REV3L: variants seen among roughly 807,000 people sequenced by gnomAD.
REV3L encodes the protein REV3 like, DNA directed polymerase zeta catalytic subunit, also known as DNA polymerase zeta catalytic subunit.
A neutral mutation model predicts 299.4 loss-of-function variants in REV3L; 69 were observed. The ratio of observed to expected loss-of-function variants is 0.23; its 90% CI spans 0.19 to 0.28. The LOEUF is 0.28. REV3L is among the 10% of genes least tolerant of loss of function. The pLI is 1.00. For synonymous variants in REV3L, 1,238 were observed against 1,271.4 expected, an observed-to-expected ratio of 0.97 and a Z score of 0.56; for missense variants, 3,128 against 3,693.8, an observed-to-expected ratio of 0.85 and a Z score of 3.97.
At chr6:111,323,475 T>TAGTTATACAAAGAAA (rs1237103648) in intron 25 of REV3L, among the ~76,000 whole-genome samples, 1 of 152,204 alleles carries the variant, frequency 6.6e-6, no homozygotes, top group African/African-American at 2.4e-5. Context: ...AAAATGTATC[T>TAGTTATACAAAGAAA]AATTATATGA....
At chr6:111,334,489 A>G (rs1164218831) in intron 22 of REV3L, among the ~76,000 whole-genome samples, 15 of 151,418 alleles carry the variant, frequency 9.9e-5, no homozygotes, top group Admixed American at 9.2e-4. Flanking sequence ...ATTAAAAAAT[A>G]AAAAAAAAGA....
chr6:111,375,359 G>A lies in REV3L; in HGVS notation c.2996C>T (p.Ser999Phe), dbSNP rs750455743. The A allele has an allele frequency of 6.3e-7, 1 of 1,586,426 alleles. No homozygotes were observed. Among genetic ancestry groups the A allele is most frequent in the Non-Finnish European group, 8.5e-7 (1 of 1,171,804 alleles). The change falls in exon 13 of 32, where the codon TCT becomes TTT. Residue 999 changes from serine (S) to phenylalanine (F), a missense_variant. By Grantham distance (155) the Ser-to-Phe change is radical. Coordinates refer to ENST00000368802, the MANE Select transcript of REV3L (RefSeq NM_001372078.1). The stretch of plus-strand genomic sequence containing the variant: ...TGTTAATATTACTTGTTTTTCTTTA[G>A]AGTCTATTTTTCCTAGCTTCACAAG... ...NMLVKLGKID[S>F]KEKQVILTEE...
intron 29 of REV3L, 147 bp downstream of exon 29, chr6:111,310,922 A>T: frequency 1.9e-6 from 1 of 517,844 alleles, no homozygotes; most frequent in Non-Finnish European, 3.3e-6. Context: ...GTATGAGGGA[A>T]TATTCACTAA....
chr6:111,386,964 C>T (rs752814393), intron 9 of REV3L, among the ~76,000 whole-genome samples: 2 of 152,140 alleles, frequency 1.3e-5, no homozygotes, highest in Admixed American at 6.5e-5. Context: ...TCAGGTGATC[C>T]GCCTGCTTCA....
upstream of REV3L, chr6:111,483,660 C>T (rs1166839647): frequency 1.4e-5 from 6 of 421,384 alleles, no homozygotes; most frequent in Non-Finnish European, 2.8e-5. Flanking sequence ...GACGGTTTTT[C>T]ACAAGGTAAG....
chr6:111,362,240 G>C (rs1270514559), intron 16 of REV3L, among the ~76,000 whole-genome samples: 1 of 152,010 alleles, frequency 6.6e-6, no homozygotes, highest in Non-Finnish European at 1.5e-5. Context: ...ATGTGCAAAT[G>C]AATAAATGAG....
At chr6:111,434,706 C>G (rs1246723898) in intron 1 of REV3L, among the ~76,000 whole-genome samples, 1 of 149,426 alleles carries the variant, frequency 6.7e-6, no homozygotes, top group African/African-American at 2.5e-5. Context: ...TATACACCAA[C>G]AGCAAACAAT....
At chr6:111,481,586 C>T (rs1793651310) in intron 1 of REV3L, among the ~76,000 whole-genome samples, 2 of 151,998 alleles carry the variant, frequency 1.3e-5, no homozygotes, top group Admixed American at 1.3e-4. Context: ...CTTGGTAGTC[C>T]ACAGAAACTG....
chr6:111,390,225 A>C, intron 5 of REV3L, 45 bp from the exon 6 acceptor site: 2 of 1,170,016 alleles, frequency 1.7e-6, no homozygotes, highest in Non-Finnish European at 2.6e-6. Flanking sequence ...TGTGAGAGCA[A>C]ACTTTCTAAC....
At position 111,322,490 on chromosome 6, in the gene REV3L, T is replaced by C. The variant is rs999169133; in HGVS notation, c.8351+79A>G. 7 of 1,037,172 alleles carry C rather than the reference T, an allele frequency of 6.7e-6. No individual in the cohort carries two copies. In the African/African-American group the frequency reaches 9.6e-5, roughly 14 times the overall value. The allele number at this position is 1,037,172 out of a possible 1,614,324, so 64.2% of individuals were successfully genotyped here. A position where few individuals can be genotyped will look rare whatever the true frequency, so the allele number is the denominator to read the frequency against. Reference sequence around the variant, plus strand: ...GACAGAACTCTGTTTTTAGAAAAGATTCCCTTAAGCCATTTTAAACACTGA... The same window carrying C: ...GACAGAACTCTGTTTTTAGAAAAGACTCCCTTAAGCCATTTTAAACACTGA... On this transcript the variant is annotated intron_variant, in intron 26 of 31. Transcript: ENST00000368802.
intron 1 of REV3L, among the ~76,000 whole-genome samples, chr6:111,474,422 C>T (rs1792652757): frequency 6.6e-6 from 1 of 152,216 alleles, no homozygotes; most frequent in Non-Finnish European, 1.5e-5. Context: ...ATACAAACTC[C>T]AGTAACAATT....
chr6:111,441,785 T>C (rs1788290160), intron 1 of REV3L, among the ~76,000 whole-genome samples: 1 of 152,200 alleles, frequency 6.6e-6, no homozygotes, highest in Non-Finnish European at 1.5e-5. Flanking sequence ...ACTCTTTACA[T>C]AGTGTGAGTC....
At chr6:111,443,077 C>G (rs1278887753) in intron 1 of REV3L, among the ~76,000 whole-genome samples, 1 of 152,114 alleles carries the variant, frequency 6.6e-6, no homozygotes, top group Non-Finnish European at 1.5e-5. Context: ...TGAATTTGAT[C>G]ACATATTGCA....
chr6:111,380,606 A>G (rs1402749112), intron 10 of REV3L, among the ~76,000 whole-genome samples: 2 of 152,214 alleles, frequency 1.3e-5, no homozygotes, highest in African/African-American at 4.8e-5. Context: ...ATAAAATAAC[A>G]ACATCATAGA....
At position 111,430,644 on chromosome 6, in the gene REV3L, A is replaced by C. The variant is rs1262782004; in HGVS notation, c.140-14172T>G. On this transcript the variant is annotated intron_variant, in intron 1 of 31. Coordinates refer to ENST00000368802, the MANE Select transcript of REV3L (RefSeq NM_001372078.1). Reference sequence around the variant, plus strand: ...TGGGGAGGACAGAGGCTGCTGGCCGAGAAGAGAGAGGACTCTGGAGATGCC... The same window carrying C: ...TGGGGAGGACAGAGGCTGCTGGCCGCGAAGAGAGAGGACTCTGGAGATGCC... 5.9e-6 allele frequency: 9 copies of C among 1,522,690 alleles called. 1 individual carries two copies. The highest frequency in any genetic ancestry group is 4.5e-5 in the East Asian group (2 of 44,426). 94.3% of individuals were successfully genotyped at this position (1,522,690 alleles called of 1,614,324 possible). A position where few individuals can be genotyped will look rare whatever the true frequency, so the allele number is the denominator to read the frequency against.
intron 5 of REV3L, among the ~76,000 whole-genome samples, chr6:111,392,497 A>G (rs913635975): frequency 6.6e-6 from 1 of 152,154 alleles, no homozygotes; most frequent in African/African-American, 2.4e-5. Context: ...TTTAATATTT[A>G]TAAATTTTAG....
At chr6:111,449,536 C>A (rs1448238315) in intron 1 of REV3L, among the ~76,000 whole-genome samples, 1 of 152,112 alleles carries the variant, frequency 6.6e-6, no homozygotes, top group Non-Finnish European at 1.5e-5. Flanking sequence ...ATCCCAAGGG[C>A]TCACACAGTA....
intron 1 of REV3L, chr6:111,471,936 G>C: frequency 1.2e-6 from 1 of 840,154 alleles, no homozygotes; most frequent in Non-Finnish European, 1.5e-6. Flanking sequence ...AGGGTGAGTA[G>C]GATTTACCAA....
intron 4 of REV3L, 48 bp downstream of exon 4, chr6:111,405,421 CA>C: frequency 7.0e-7 from 1 of 1,426,376 alleles, no homozygotes. Context: ...ACACTTGTTT[CA>C]AAACTTTAAT....
Sources: gnomAD v4.1 joint callset for allele counts (sites outside exome capture counted in the v4.1 genomes callset) on GRCh38, gnomAD v4.1.1 for gene constraint, MANE v1.5 for transcripts, NCBI Gene and HGNC (gene_info 2026-07-23, HGNC 2026-07-21) for gene names.